The following ERBB4 variants were observed in gnomAD, a reference collection of about 807,000 sequenced individuals.
ERBB4 encodes receptor tyrosine-protein kinase erbB-4.
ERBB4 carries 42 observed loss-of-function variants against 158.0 expected under a neutral mutation model. The observed-to-expected ratio is 0.27, with a 90% CI of 0.21 to 0.34. The LOEUF (loss-of-function observed/expected upper bound fraction) is 0.34. ERBB4 is among the 10% of genes least tolerant of loss of function. The pLI is 1.00. For synonymous variants in ERBB4, 583 were observed against 558.7 expected, an observed-to-expected ratio of 1.04 and a Z score of -0.61; for missense variants, 1,333 against 1,624.1, an observed-to-expected ratio of 0.82 and a Z score of 3.08.
At chr2:211,551,724 TGACCA>T (rs533766036) in intron 20 of ERBB4, among the ~76,000 whole-genome samples, 14 of 152,338 alleles carry the variant, frequency 9.2e-5, no homozygotes, top group African/African-American at 3.1e-4. Context: ...CATCTGGTCT[TGACCA>T]GAATTAAACT....
At chr2:211,777,849 T>C (rs2075923695) in intron 4 of ERBB4, 1 of 152,208 alleles carries the variant, frequency 6.6e-6, no homozygotes. Context: ...CCATTAATAC[T>C]AACTATAACT....
intron 1 of ERBB4, among the ~76,000 whole-genome samples, chr2:212,176,759 A>G (rs766472797): frequency 5.3e-5 from 8 of 151,834 alleles, no homozygotes; most frequent in Admixed American, 6.6e-5. Context: ...ATCTCCTTTT[A>G]TAATGTGTAT....
chr2:212,219,535 C>T (rs941941895), intron 1 of ERBB4, among the ~76,000 whole-genome samples: 1 of 151,222 alleles, frequency 6.6e-6, no homozygotes, highest in Non-Finnish European at 1.5e-5. Flanking sequence ...AATTTTTGGT[C>T]ACCTTCTCCC....
Position 212,061,323 on chromosome 2 carries a change from C to T in ERBB4, c.234+63429G>A, listed in dbSNP as rs902612879. Among the ~76,000 whole-genome samples the T allele has an allele frequency of 4.6e-5, 7 of 151,418 alleles. No individual in the cohort carries two copies. The East Asian group carries it at 7.9e-4, about 17-fold the overall frequency. On this transcript the variant is annotated intron_variant, in intron 2 of 27. Transcript: ENST00000342788. ...CAAAACTTAGCAGGGTGTGGTGGTT[C>T]GTGACTGTAATCCCAGCTACTCTGG...
At chr2:211,483,770 T>A (rs1379687367) in intron 20 of ERBB4, among the ~76,000 whole-genome samples, 1 of 152,134 alleles carries the variant, frequency 6.6e-6, no homozygotes, top group Non-Finnish European at 1.5e-5. Context: ...CAGCTGGTGA[T>A]GGCCATCCTG....
rs112316707 is a variant in ERBB4, at chr2:211,471,628, C to G, written c.2488-40528G>C. Reference sequence around the variant, plus strand: ...AACTGGGATTTGATGTCAAGTGTGGCTAATGCCAGAAAAAGCACACAGGCA... The same window carrying G: ...AACTGGGATTTGATGTCAAGTGTGGGTAATGCCAGAAAAAGCACACAGGCA... On this transcript the variant is annotated intron_variant, in intron 20 of 27. Coordinates refer to ENST00000342788, the MANE Select transcript of ERBB4 (RefSeq NM_005235.3). Among the ~76,000 whole-genome samples the G allele has an allele frequency of 5.6e-3, 853 of 152,148 alleles. 11 individuals are homozygous for G. The highest frequency in any genetic ancestry group is 0.019 in the African/African-American group (809 of 41,506).
At chr2:211,785,834 A>T (rs944005759) in intron 4 of ERBB4, among the ~76,000 whole-genome samples, 48 of 151,972 alleles carry the variant, frequency 3.2e-4, no homozygotes, top group African/African-American at 1.1e-3. Flanking sequence ...AACCTAACTT[A>T]TTTTCCTTGT....
At chr2:212,444,168 G>C (rs1046482478) in intron 1 of ERBB4, among the ~76,000 whole-genome samples, 2 of 152,182 alleles carry the variant, frequency 1.3e-5, no homozygotes, top group Non-Finnish European at 2.9e-5. Context: ...TCAGTTGACA[G>C]AGGAAGAAAA....
At chr2:211,541,161 G>A (rs1016182382) in intron 20 of ERBB4, among the ~76,000 whole-genome samples, 1 of 151,844 alleles carries the variant, frequency 6.6e-6, no homozygotes, top group Admixed American at 6.6e-5. Context: ...AAATTTTCCA[G>A]TTAAATATAC....
At chr2:212,206,001 T>C (rs1056341081) in intron 1 of ERBB4, among the ~76,000 whole-genome samples, 1 of 152,224 alleles carries the variant, frequency 6.6e-6, no homozygotes, top group African/African-American at 2.4e-5. Context: ...TGAGTCCTTA[T>C]AATACCTATG....
intron 1 of ERBB4, among the ~76,000 whole-genome samples, chr2:212,160,203 C>T (rs1239028509): frequency 6.6e-6 from 1 of 151,948 alleles, no homozygotes. Context: ...ATTAGTGTCA[C>T]AGTAAGCATA....
intron 1 of ERBB4, among the ~76,000 whole-genome samples, chr2:212,332,966 T>C (rs556281159): frequency 6.6e-6 from 1 of 152,170 alleles, no homozygotes; most frequent in African/African-American, 2.4e-5. Context: ...GAAATGGGTA[T>C]AGAATTTAAT....
chr2:211,423,992 ATAT>A (rs1013859034), intron 23 of ERBB4, among the ~76,000 whole-genome samples, 160 bp downstream of exon 23: 3 of 152,028 alleles, frequency 2.0e-5, no homozygotes, highest in Non-Finnish European at 4.4e-5. Context: ...GTATTACTTT[ATAT>A]TAATAATAGT....
At chr2:212,192,743 C>T (rs1314178516) in intron 1 of ERBB4, among the ~76,000 whole-genome samples, 1 of 151,970 alleles carries the variant, frequency 6.6e-6, no homozygotes. Context: ...TTTTTATTCC[C>T]AGCTAGTCCA....
intron 3 of ERBB4, among the ~76,000 whole-genome samples, chr2:211,900,479 A>G (rs536541831): frequency 6.6e-6 from 1 of 152,230 alleles, no homozygotes; most frequent in South Asian, 2.1e-4. Context: ...GTACAAACCT[A>G]GAAAAAAAAA....
chr2:212,142,320 T>C (rs900987941), intron 1 of ERBB4, among the ~76,000 whole-genome samples: 6 of 152,000 alleles, frequency 3.9e-5, no homozygotes, highest in Non-Finnish European at 7.4e-5. Context: ...ACTTGACCCA[T>C]AGTAGGTACT....
At chr2:212,099,345 T>C (rs1345864518) in intron 2 of ERBB4, among the ~76,000 whole-genome samples, 1 of 152,058 alleles carries the variant, frequency 6.6e-6, no homozygotes, top group African/African-American at 2.4e-5. Flanking sequence ...ACTTACTAAA[T>C]AGTAAGTCAC....
At chr2:212,103,756 T>C (rs1322931812) in intron 2 of ERBB4, among the ~76,000 whole-genome samples, 4 of 150,962 alleles carry the variant, frequency 2.6e-5, no homozygotes, top group Non-Finnish European at 4.4e-5. Flanking sequence ...TTCTATTTAC[T>C]ACATTAAAAT....
At chr2:211,909,270 C>T (rs1235404986) in intron 3 of ERBB4, among the ~76,000 whole-genome samples, 1 of 151,620 alleles carries the variant, frequency 6.6e-6, no homozygotes, top group Non-Finnish European at 1.5e-5. Context: ...TTTATGTATT[C>T]AATTGCTTTA....
Sources: allele counts gnomAD v4.1 joint callset (sites outside exome capture counted in the v4.1 genomes callset), GRCh38; gene constraint gnomAD v4.1.1; transcripts MANE v1.5; gene names NCBI Gene and HGNC (gene_info 2026-07-23, HGNC 2026-07-21).